Variants in ANAPC10 observed in about 807,000 individuals in gnomAD.
The protein encoded by ANAPC10 is anaphase-promoting complex subunit 10.
ANAPC10 carries 12 observed loss-of-function variants against 22.0 expected under a neutral mutation model. That is an observed-to-expected ratio of 0.55 (90% CI 0.35 to 0.88). The LOEUF is 0.88. Ranked by LOEUF, ANAPC10 falls within the 40% of genes least tolerant of loss-of-function variation. ANAPC10 has a pLI of 0.01. For missense variants in ANAPC10, 188 were observed against 220.9 expected (o/e 0.85, Z 0.94); for synonymous variants, 65 against 69.5 (o/e 0.94, Z 0.32).
At chr4:145,036,521 A>G (rs767528563) in intron 4 of ANAPC10, among the ~76,000 whole-genome samples, 5 of 151,816 alleles carry the variant, frequency 3.3e-5, no homozygotes, top group Admixed American at 6.6e-5. Context: ...ATTTCACACT[A>G]TTTTTTTTAA....
At chr4:145,081,970 A>G (rs1205509944) in intron 2 of ANAPC10, among the ~76,000 whole-genome samples, 1 of 152,132 alleles carries the variant, frequency 6.6e-6, no homozygotes, top group Non-Finnish European at 1.5e-5. Flanking sequence ...TTGGCCTCCC[A>G]AAGTGCAGTG....
In ANAPC10 at chr4:145,096,114, A is replaced by G. The variant is rs900710493; in HGVS notation, c.-12-3T>C. 6.2e-7 allele frequency: 1 copy of G among 1,611,880 alleles called. No homozygotes were observed. Among genetic ancestry groups the G allele is most frequent in the Non-Finnish European group, 8.5e-7 (1 of 1,179,494 alleles). On this transcript the variant is annotated splice_region_variant and splice_polypyrimidine_tract_variant and intron_variant, in intron 1 of 4. Coordinates refer to ENST00000507656, the MANE Select transcript of ANAPC10 (RefSeq NM_001256706.2). ...GGTGTAGTCATTTTTAAAATATTCT[A>G]TGTAGAAAACAAGAATGCACACATT...
chr4:145,026,197 C>T (rs953743824), intron 4 of ANAPC10, among the ~76,000 whole-genome samples: 4 of 152,026 alleles, frequency 2.6e-5, no homozygotes, highest in Non-Finnish European at 5.9e-5. Context: ...AATGAAAATC[C>T]GTAAGAAAAG....
intron 4 of ANAPC10, among the ~76,000 whole-genome samples, chr4:145,041,330 T>C (rs1560863677): frequency 6.6e-6 from 1 of 152,242 alleles, no homozygotes. Flanking sequence ...TTAGATAGCA[T>C]GAAGTTTGAC....
In ANAPC10 at chr4:145,055,758, G is replaced by A. The variant is rs114557116; in HGVS notation, c.327+8814C>T. ...ACAGTGCTCACCAGGGCCTGGAGAA[G>A]GGGGAAACTGGGAGTTGTTATTTAA... On this transcript the variant is annotated intron_variant, in intron 4 of 4. Coordinates refer to ENST00000507656, the MANE Select transcript of ANAPC10 (RefSeq NM_001256706.2). 5.3e-5 allele frequency among the ~76,000 whole-genome samples: 8 copies of A among 152,022 alleles called. No homozygotes were observed. In the East Asian group the frequency reaches 9.6e-4, roughly 18 times the overall value.
chr4:145,069,958 T>C (rs1744253165), intron 3 of ANAPC10, among the ~76,000 whole-genome samples: 1 of 152,242 alleles, frequency 6.6e-6, no homozygotes, highest in Non-Finnish European at 1.5e-5. Context: ...TTGTTATTTA[T>C]GTTGTTAACA....
At chr4:145,031,913 G>C (rs1737645783) in intron 4 of ANAPC10, among the ~76,000 whole-genome samples, 1 of 152,274 alleles carries the variant, frequency 6.6e-6, no homozygotes, top group East Asian at 1.9e-4. Flanking sequence ...GGCGCTTTCT[G>C]ACCCATCTAA....
intron 4 of ANAPC10, among the ~76,000 whole-genome samples, chr4:145,028,829 G>C (rs895687635): frequency 3.9e-5 from 6 of 152,166 alleles, no homozygotes; most frequent in Non-Finnish European, 8.8e-5. Flanking sequence ...CTGGTTGGTT[G>C]CTCCTAAGTT....
At chr4:145,007,977 G>C (rs1189175333) in intron 4 of ANAPC10, among the ~76,000 whole-genome samples, 1 of 151,932 alleles carries the variant, frequency 6.6e-6, no homozygotes, top group Admixed American at 6.6e-5. Context: ...GAATCAAATA[G>C]ATGCAATGAA....
At chr4:145,048,300 G>A (rs1740624203) in intron 4 of ANAPC10, among the ~76,000 whole-genome samples, 1 of 152,110 alleles carries the variant, frequency 6.6e-6, no homozygotes, top group Non-Finnish European at 1.5e-5. Flanking sequence ...AGCCATCAAA[G>A]ATTTGTGGGC....
intron 4 of ANAPC10, 49 bp downstream of exon 4, chr4:145,064,523 T>C (rs1401631774): frequency 2.0e-6 from 3 of 1,482,000 alleles, no homozygotes; most frequent in Non-Finnish European, 2.8e-6. Context: ...TATCTTCTAA[T>C]GAGTAAAAGT....
chr4:145,050,583 T>C (rs969110312), intron 4 of ANAPC10, among the ~76,000 whole-genome samples: 7 of 152,222 alleles, frequency 4.6e-5, no homozygotes, highest in Admixed American at 3.3e-4. Context: ...TTTGTCTACA[T>C]TGAAAATGTG....
At chr4:144,996,629 G>C (rs1731651904) in intron 4 of ANAPC10, among the ~76,000 whole-genome samples, 1 of 152,162 alleles carries the variant, frequency 6.6e-6, no homozygotes, top group African/African-American at 2.4e-5. Flanking sequence ...AAGATGGGGA[G>C]AAACCAGAGC....
At chr4:145,011,391 T>G (rs1734293566) in intron 4 of ANAPC10, among the ~76,000 whole-genome samples, 1 of 151,132 alleles carries the variant, frequency 6.6e-6, no homozygotes, top group African/African-American at 2.4e-5. Flanking sequence ...TAAAATAAAA[T>G]TCAAGAGGAT....
chr4:145,015,278 T>C (rs371550169), intron 4 of ANAPC10, among the ~76,000 whole-genome samples: 4 of 151,768 alleles, frequency 2.6e-5, no homozygotes, highest in East Asian at 3.9e-4. Context: ...GATATACTTA[T>C]AGAAATGCAA....
At chr4:145,030,587 A>T (rs1737413470) in intron 4 of ANAPC10, among the ~76,000 whole-genome samples, 1 of 152,128 alleles carries the variant, frequency 6.6e-6, no homozygotes, top group Non-Finnish European at 1.5e-5. Flanking sequence ...CTTAGGTCTG[A>T]CTTACACTGG....
intron 2 of ANAPC10, among the ~76,000 whole-genome samples, chr4:145,093,655 G>A (rs1748054293): frequency 6.6e-6 from 1 of 151,380 alleles, no homozygotes; most frequent in African/African-American, 2.4e-5. Flanking sequence ...CGAGTCAAAT[G>A]GAAGAGCTAC....
intron 4 of ANAPC10, among the ~76,000 whole-genome samples, chr4:145,036,150 T>C (rs902977512): frequency 2.6e-5 from 4 of 152,210 alleles, no homozygotes; most frequent in Non-Finnish European, 4.4e-5. Context: ...AAAATACTTA[T>C]GCGATCATAA....
Position 145,087,973 on chromosome 4 carries a change from G to A in ANAPC10, c.116-6223C>T, listed in dbSNP as rs554723825. Among the ~76,000 whole-genome samples, 9 of 152,142 alleles carry A rather than the reference G, an allele frequency of 5.9e-5. No individual in the cohort carries two copies. The East Asian group carries it at 1.2e-3, about 20-fold the overall frequency. ...TAAGGCAGGAGAATCACTTGAACCC[G>A]GGAGGTGGAGGTTGCAGTGAGCTGA... On this transcript the variant is annotated intron_variant, in intron 2 of 4. Transcript: ENST00000507656.
Sources: allele counts gnomAD v4.1 joint callset (sites outside exome capture counted in the v4.1 genomes callset), GRCh38; gene constraint gnomAD v4.1.1; transcripts MANE v1.5; gene names NCBI Gene and HGNC (gene_info 2026-07-23, HGNC 2026-07-21).